Variants in DENND1B observed in about 807,000 individuals in gnomAD.
DENND1B encodes the protein DENN domain-containing protein 1B.
Under a neutral mutation model 90.1 loss-of-function variants are expected in DENND1B, and 59 were observed. The ratio of observed to expected loss-of-function variants is 0.65; its 90% CI spans 0.53 to 0.81. DENND1B has a LOEUF of 0.81. Ranked by LOEUF, DENND1B falls within the 40% of genes least tolerant of loss-of-function variation. DENND1B has a pLI of 0.00. For synonymous variants in DENND1B, 337 were observed against 324.6 expected, an observed-to-expected ratio of 1.04 and a Z score of -0.41; for missense variants, 862 against 912.6, an observed-to-expected ratio of 0.94 and a Z score of 0.71.
intron 20 of DENND1B, among the ~76,000 whole-genome samples, chr1:197,537,896 C>T (rs1476564004): frequency 1.3e-5 from 2 of 151,742 alleles, no homozygotes; most frequent in African/African-American, 4.8e-5. Flanking sequence ...AAATGTTCTT[C>T]CCGCAAAAAA....
intron 12 of DENND1B, among the ~76,000 whole-genome samples, chr1:197,609,702 T>TA (rs11407728): frequency 0.092 from 13,386 of 146,134 alleles, 1,826 homozygotes; most frequent in African/African-American, 0.3. Flanking sequence ...TTTTCGCCAT[T>TA]AAAAAAAAAA....
intron 20 of DENND1B, among the ~76,000 whole-genome samples, chr1:197,536,864 C>T (rs1669944720): frequency 1.3e-5 from 2 of 151,906 alleles, no homozygotes; most frequent in Non-Finnish European, 2.9e-5. Flanking sequence ...ACATAAACCC[C>T]GTCTCTACTA....
intron 10 of DENND1B, among the ~76,000 whole-genome samples, chr1:197,636,694 A>T (rs1679824578): frequency 4.6e-5 from 7 of 152,210 alleles, no homozygotes; most frequent in Admixed American, 4.6e-4. Context: ...TATTAATAAC[A>T]TCATCATTTT....
At chr1:197,714,529 A>G (rs1660445561) in intron 3 of DENND1B, among the ~76,000 whole-genome samples, 1 of 152,174 alleles carries the variant, frequency 6.6e-6, no homozygotes, top group Non-Finnish European at 1.5e-5. Context: ...TATTTTTTAA[A>G]GAAAGTAAAG....
At chr1:197,552,038 T>A (rs1349125134) in intron 16 of DENND1B, among the ~76,000 whole-genome samples, 1 of 152,176 alleles carries the variant, frequency 6.6e-6, no homozygotes, top group African/African-American at 2.4e-5. Flanking sequence ...ATGGTTTCTA[T>A]ATTTTCATGG....
At chr1:197,657,694 G>A (rs914775211) in intron 6 of DENND1B, among the ~76,000 whole-genome samples, 1 of 152,046 alleles carries the variant, frequency 6.6e-6, no homozygotes, top group Non-Finnish European at 1.5e-5. Context: ...ATGCTCTCAT[G>A]ATTCCTCAAA....
intron 15 of DENND1B, among the ~76,000 whole-genome samples, chr1:197,572,798 A>C (rs1177509904): frequency 1.3e-5 from 2 of 152,178 alleles, no homozygotes; most frequent in African/African-American, 4.8e-5. Context: ...GACCTCCAGC[A>C]AACTCCAACC....
At chr1:197,535,432 A>T (rs892058807) in intron 20 of DENND1B, among the ~76,000 whole-genome samples, 6 of 152,216 alleles carry the variant, frequency 3.9e-5, no homozygotes, top group Non-Finnish European at 7.3e-5. Flanking sequence ...TACCTATGAT[A>T]AAGTTTCATT....
At chr1:197,764,183 T>C (rs1655427203) in intron 2 of DENND1B, among the ~76,000 whole-genome samples, 1 of 152,208 alleles carries the variant, frequency 6.6e-6, no homozygotes, top group Admixed American at 6.5e-5. Context: ...CAAATCCTAG[T>C]CTTACTCTTA....
chr1:197,673,523 G>C (rs1428452766), intron 4 of DENND1B, among the ~76,000 whole-genome samples: 1 of 151,906 alleles, frequency 6.6e-6, no homozygotes, highest in Non-Finnish European at 1.5e-5. Flanking sequence ...AACAATAAAC[G>C]ATCTGTTGTT....
Position 197,639,085 on chromosome 1 carries a change from A to G in DENND1B, c.672+3626T>C, listed in dbSNP as rs181283913. 6.0e-3 allele frequency among the ~76,000 whole-genome samples: 852 copies of G among 141,018 alleles called. 11 individuals carry two copies. Among genetic ancestry groups the G allele is most frequent in the African/African-American group, 0.02 (796 of 38,938 alleles). The allele number at this position is 141,018 out of a possible 152,430, so 92.5% of individuals were successfully genotyped here. ...TAAAGGTTAATTTTTTTTTTTTTTG[A>G]CATAGTCTCACTCTGTCACCCAGGC... On this transcript the variant is annotated intron_variant, in intron 10 of 22. Coordinates refer to ENST00000620048, the MANE Select transcript of DENND1B (RefSeq NM_001195215.2).
chr1:197,623,225 T>A (rs1170615081), intron 10 of DENND1B, among the ~76,000 whole-genome samples: 1 of 151,488 alleles, frequency 6.6e-6, no homozygotes, highest in Non-Finnish European at 1.5e-5. Context: ...AGACCTCACC[T>A]GATTTTTAAC....
intron 15 of DENND1B, among the ~76,000 whole-genome samples, chr1:197,568,619 C>G (rs911069360): frequency 6.6e-6 from 1 of 151,976 alleles, no homozygotes; most frequent in Non-Finnish European, 1.5e-5. Flanking sequence ...GCCATAATAA[C>G]CAAAATGGCA....
chr1:197,601,825 C>T (rs1169969564), intron 13 of DENND1B, among the ~76,000 whole-genome samples: 4 of 151,546 alleles, frequency 2.6e-5, no homozygotes, highest in East Asian at 1.9e-4. Context: ...TTAAGGTTTT[C>T]GGGTTTTGCT....
intron 15 of DENND1B, among the ~76,000 whole-genome samples, chr1:197,567,914 T>G (rs1223709969): frequency 6.6e-6 from 1 of 151,976 alleles, no homozygotes; most frequent in African/African-American, 2.4e-5. Context: ...TCACCATTTC[T>G]TTTAAACACA....
intron 10 of DENND1B, among the ~76,000 whole-genome samples, chr1:197,633,937 C>A (rs1299523396): frequency 6.6e-6 from 1 of 152,156 alleles, no homozygotes; most frequent in Non-Finnish European, 1.5e-5. Flanking sequence ...CAAACAGCTT[C>A]CCCAGTACCT....
chr1:197,766,361 T>C lies in DENND1B; in HGVS notation c.82+6507A>G, dbSNP rs1571676780. 2.6e-5 allele frequency among the ~76,000 whole-genome samples: 4 copies of C among 152,320 alleles called. No individual in the cohort carries two copies. In the South Asian group the frequency reaches 6.2e-4, roughly 24 times the overall value. On this transcript the variant is annotated intron_variant, in intron 2 of 22. Transcript: ENST00000620048. The stretch of plus-strand genomic sequence containing the variant: ...AAAGTTACAGCAAAAACAACTATCA[T>C]GGTAACCACATTTTACTCAGACTTT...
chr1:197,641,074 C>T (rs79196362), intron 10 of DENND1B, among the ~76,000 whole-genome samples: 3,703 of 152,262 alleles, frequency 0.024, 159 homozygotes, highest in African/African-American at 0.083. Flanking sequence ...TAAATAATTG[C>T]TATTTGTTTG....
chr1:197,561,972 C>T (rs563949731), intron 15 of DENND1B, among the ~76,000 whole-genome samples: 2 of 151,732 alleles, frequency 1.3e-5, no homozygotes, highest in African/African-American at 4.8e-5. Context: ...TTCTTTCTCT[C>T]TGTTTCCACT....
Sources: gnomAD v4.1 joint callset for allele counts (sites outside exome capture counted in the v4.1 genomes callset) on GRCh38, gnomAD v4.1.1 for gene constraint, MANE v1.5 for transcripts, NCBI Gene and HGNC (gene_info 2026-07-23, HGNC 2026-07-21) for gene names.